NUBPL: variants seen among roughly 807,000 people sequenced by gnomAD.
The protein encoded by NUBPL is iron-sulfur cluster transfer protein NUBPL.
In NUBPL, 31 loss-of-function variants were observed where a neutral mutation model predicts 45.7. The ratio of observed to expected loss-of-function variants is 0.68; its 90% CI spans 0.51 to 0.92. NUBPL has a LOEUF of 0.92. NUBPL is among the 40% of genes least tolerant of loss of function. The pLI, the probability that NUBPL is intolerant of heterozygous loss-of-function variation, is 0.00. For synonymous variants in NUBPL, 144 were observed against 140.9 expected, an observed-to-expected ratio of 1.02 and a Z score of -0.15; for missense variants, 401 against 398.7, an observed-to-expected ratio of 1.01 and a Z score of -0.05.
intron 6 of NUBPL, among the ~76,000 whole-genome samples, chr14:31,767,831 G>A (rs747135784): frequency 2.0e-5 from 3 of 152,118 alleles, no homozygotes; most frequent in Non-Finnish European, 4.4e-5. Flanking sequence ...GAGCCATGAT[G>A]GTGCCACTGC....
At chr14:31,656,144 T>C (rs992639620) in intron 4 of NUBPL, among the ~76,000 whole-genome samples, 28 of 152,194 alleles carry the variant, frequency 1.8e-4, no homozygotes, top group African/African-American at 6.5e-4. Flanking sequence ...CAACTTTTCT[T>C]CTGTATCTTC....
chr14:31,813,058 G>T (rs1216185035), intron 7 of NUBPL, among the ~76,000 whole-genome samples: 1 of 149,374 alleles, frequency 6.7e-6, no homozygotes, highest in South Asian at 2.1e-4. Flanking sequence ...GGTGTATCTC[G>T]GCTCACTGCA....
intron 6 of NUBPL, among the ~76,000 whole-genome samples, chr14:31,744,589 A>G (rs1158571023): frequency 6.7e-6 from 1 of 149,556 alleles, no homozygotes; most frequent in Non-Finnish European, 1.5e-5. Context: ...ATTTTAATGT[A>G]TACATTATAT....
chr14:31,776,555 C>T (rs890073486), intron 6 of NUBPL, among the ~76,000 whole-genome samples: 3 of 152,178 alleles, frequency 2.0e-5, no homozygotes, highest in Admixed American at 6.5e-5. Flanking sequence ...GATCCTGAAT[C>T]CTGCCATGCA....
At chr14:31,693,193 A>C (rs984490104) in intron 6 of NUBPL, among the ~76,000 whole-genome samples, 3 of 152,192 alleles carry the variant, frequency 2.0e-5, no homozygotes, top group Non-Finnish European at 4.4e-5. Context: ...ATTGTGAAAC[A>C]ATTCAGTGTT....
At chr14:31,757,397 C>T (rs2038692993) in intron 6 of NUBPL, among the ~76,000 whole-genome samples, 3 of 150,208 alleles carry the variant, frequency 2.0e-5, no homozygotes, top group African/African-American at 2.5e-5. Context: ...TTGGTCTATT[C>T]AGAGATTCAA....
chr14:31,854,403 T>G (rs1414512180), intron 10 of NUBPL, among the ~76,000 whole-genome samples: 1 of 152,332 alleles, frequency 6.6e-6, no homozygotes, highest in East Asian at 1.9e-4. Context: ...TTTTGCTAGT[T>G]ATGGATTAAA....
intron 3 of NUBPL, among the ~76,000 whole-genome samples, chr14:31,586,137 T>G (rs1050651441): frequency 1.3e-5 from 2 of 152,174 alleles, no homozygotes; most frequent in African/African-American, 4.8e-5. Context: ...TAAGTGATTA[T>G]GGACAAATTC....
intron 4 of NUBPL, among the ~76,000 whole-genome samples, chr14:31,656,474 G>T (rs1414247644): frequency 6.6e-6 from 1 of 152,122 alleles, no homozygotes; most frequent in African/African-American, 2.4e-5. Flanking sequence ...TTTAAAGTGA[G>T]AAACATATAA....
intron 7 of NUBPL, among the ~76,000 whole-genome samples, chr14:31,807,134 C>T (rs538370394): frequency 1.3e-5 from 2 of 152,278 alleles, no homozygotes; most frequent in South Asian, 4.1e-4. Context: ...TGGGTATATA[C>T]CCAGTAATGG....
intron 6 of NUBPL, among the ~76,000 whole-genome samples, chr14:31,713,484 A>G (rs1002920230): frequency 6.6e-6 from 1 of 152,070 alleles, no homozygotes; most frequent in Non-Finnish European, 1.5e-5. Flanking sequence ...CCACAAACCC[A>G]TTGGTACATT....
At chr14:31,732,905 GCC>G (rs1401241600) in intron 6 of NUBPL, among the ~76,000 whole-genome samples, 1 of 152,010 alleles carries the variant, frequency 6.6e-6, no homozygotes, top group Non-Finnish European at 1.5e-5. Context: ...GCATCACCGC[GCC>G]CGGCCTATTC....
intron 6 of NUBPL, among the ~76,000 whole-genome samples, chr14:31,782,182 G>A (rs1008396243): frequency 6.6e-6 from 1 of 151,886 alleles, no homozygotes; most frequent in Non-Finnish European, 1.5e-5. Flanking sequence ...ATATCACGAG[G>A]TTAGGAGTTC....
At chr14:31,674,952 C>T (rs1334670211) in intron 6 of NUBPL, among the ~76,000 whole-genome samples, 6 of 151,908 alleles carry the variant, frequency 3.9e-5, no homozygotes, top group African/African-American at 9.7e-5. Context: ...CTGGCTAACA[C>T]GGTGAAACCC....
rs1381031309 is a variant in NUBPL, at chr14:31,581,655, TA to T, written c.291+16608del. ...TGGAGAAGACTCTTGAAGGAGAGGTTAGGGGTTAAAAATCAGTTCTCCTTTA... is the reference window on the plus strand; with the variant it reads ...TGGAGAAGACTCTTGAAGGAGAGGTTGGGGTTAAAAATCAGTTCTCCTTTA... On this transcript the variant is annotated intron_variant, in intron 3 of 10. Coordinates refer to ENST00000281081, the MANE Select transcript of NUBPL (RefSeq NM_025152.3). Among the ~76,000 whole-genome samples the T allele has an allele frequency of 7.2e-5, 11 of 152,338 alleles. No individual in the cohort carries two copies. In the East Asian group the frequency reaches 2.1e-3, roughly 29 times the overall value.
At chr14:31,805,972 G>C (rs999215920) in intron 7 of NUBPL, among the ~76,000 whole-genome samples, 1 of 152,122 alleles carries the variant, frequency 6.6e-6, no homozygotes, top group Non-Finnish European at 1.5e-5. Context: ...ATTCCTTAAT[G>C]TCTTAAAGTT....
intron 6 of NUBPL, among the ~76,000 whole-genome samples, chr14:31,780,611 A>T (rs2039176348): frequency 6.6e-6 from 1 of 152,054 alleles, no homozygotes; most frequent in Non-Finnish European, 1.5e-5. Context: ...AAGACTTAAA[A>T]ATAAAGTCTT....
chr14:31,750,516 A>G (rs912045919), intron 6 of NUBPL, among the ~76,000 whole-genome samples: 1 of 151,628 alleles, frequency 6.6e-6, no homozygotes, highest in East Asian at 1.9e-4. Context: ...ATTTTTAATT[A>G]TTTTTCATGC....
chr14:31,607,254 A>C (rs2034626984), intron 4 of NUBPL, among the ~76,000 whole-genome samples: 1 of 151,896 alleles, frequency 6.6e-6, no homozygotes, highest in Non-Finnish European at 1.5e-5. Flanking sequence ...GTGGTGGTGT[A>C]TGCCTGTAGT....
Sources: gnomAD v4.1 joint callset for allele counts (sites outside exome capture counted in the v4.1 genomes callset) on GRCh38, gnomAD v4.1.1 for gene constraint, MANE v1.5 for transcripts, NCBI Gene and HGNC (gene_info 2026-07-23, HGNC 2026-07-21) for gene names.